DERL1: variants seen among roughly 807,000 people sequenced by gnomAD.
The protein encoded by DERL1 is derlin-1.
Under a neutral mutation model 41.6 loss-of-function variants are expected in DERL1, and 24 were observed. That is an observed-to-expected ratio of 0.58 (90% confidence interval 0.42 to 0.81). The LOEUF (loss-of-function observed/expected upper bound fraction) is 0.81, where lower values mean the gene tolerates loss of function less well. Ranked by LOEUF, DERL1 falls within the 30% of genes least tolerant of loss-of-function variation. The pLI is 0.00. For synonymous variants in DERL1, 124 were observed against 112.5 expected (o/e 1.10, Z -0.65); for missense variants, 260 against 314.3 (o/e 0.83, Z 1.31).
chr8:123,038,381 T>G (rs925610181), intron 1 of DERL1, among the ~76,000 whole-genome samples: 2 of 152,148 alleles, frequency 1.3e-5, no homozygotes, highest in East Asian at 3.8e-4. Context: ...GTTACATGTG[T>G]CCAAAATAGG....
At position 123,021,460 on chromosome 8, in the gene DERL1, T is replaced by C; in HGVS notation, c.493A>G (p.Ile165Val). The part of the protein sequence containing the change: ...LPWVILGFNY[I>V]IGGSVINELI... The stretch of plus-strand genomic sequence containing the variant: ...AATATCACTTACGAGCCTCCGATGA[T>C]ATAGTTGAATCCAAGGATAACCCAG... Residue 165 changes from isoleucine (I) to valine (V), a missense_variant, in exon 6 of 8, where the codon ATC becomes GTC. Coordinates refer to ENST00000259512, the MANE Select transcript of DERL1 (RefSeq NM_024295.6). 2 of 1,613,762 alleles carry C rather than the reference T, an allele frequency of 1.2e-6. No homozygotes were observed. The highest frequency in any genetic ancestry group is 1.7e-6 in the Non-Finnish European group (2 of 1,179,700).
chr8:123,021,726 CTTTGCCCA>C (rs1438935062), intron 5 of DERL1, among the ~76,000 whole-genome samples: 1 of 152,160 alleles, frequency 6.6e-6, no homozygotes, highest in Non-Finnish European at 1.5e-5. Flanking sequence ...GGACACAGTA[CTTTGCCCA>C]CAGGTCTGAT....
At chr8:123,022,473 G>A (rs1586460817) in intron 5 of DERL1, among the ~76,000 whole-genome samples, 1 of 147,580 alleles carries the variant, frequency 6.8e-6, no homozygotes, top group Admixed American at 6.7e-5. Flanking sequence ...GGGGCCCGAG[G>A]TACAGAGGGA....
At chr8:123,018,814 G>C in intron 7 of DERL1, 1 of 245,978 alleles carries the variant, frequency 4.1e-6, no homozygotes, top group Non-Finnish European at 7.9e-6. Context: ...CCCTTCCTTG[G>C]GCAAAATCAT....
rs1586476186 is a variant in DERL1 at position 123,041,992 on chromosome 8, T to G, written c.131A>C (p.Glu44Ala). Residue 44 changes from glutamate (E) to alanine (A), a missense_variant, in exon 1 of 8, where the codon GAA becomes GCA. Physicochemically the swap from Glu to Ala is moderately radical, Grantham distance 107. Coordinates refer to ENST00000259512, the MANE Select transcript of DERL1 (RefSeq NM_024295.6). ...ISPAYLFLWP[E>A]AFLYRFQIWR... ...TACCTGAAAGCGATAAAGGAAGGCT[T>G]CGGGCCAGAGGAAGAGGTAGGCCGG... is the stretch of plus-strand genomic sequence containing the variant. 1.2e-6 allele frequency: 2 copies of G among 1,612,950 alleles called. No homozygotes were observed. Among genetic ancestry groups the G allele is most frequent in the Non-Finnish European group, 8.5e-7 (1 of 1,179,292 alleles).
Position 123,019,212 on chromosome 8 carries a change from T to A in DERL1, c.600A>T (p.Leu200=). The A allele has an allele frequency of 1.9e-6, 3 of 1,612,158 alleles. No individual in the cohort carries two copies. Among genetic ancestry groups the A allele is most frequent in the Non-Finnish European group, 2.5e-6 (3 of 1,178,304 alleles). Residue 200 remains leucine, a synonymous_variant, in exon 7 of 8, where the codon CTA becomes CTT. Transcript: ENST00000259512. The part of the protein sequence containing the change: ...YPMDLGGRNF[L]STPQFLYRWL... Reference sequence around the variant, plus strand: ...ACACTTACAAAAACTGAGGTGTGGATAGAAAATTTCTTCCTCCCAAGTCCA... The same window carrying A: ...ACACTTACAAAAACTGAGGTGTGGAAAGAAAATTTCTTCCTCCCAAGTCCA...
intron 6 of DERL1, among the ~76,000 whole-genome samples, chr8:123,020,806 A>AAG (rs1330351054): frequency 6.7e-6 from 1 of 150,226 alleles, no homozygotes; most frequent in Non-Finnish European, 1.5e-5. Flanking sequence ...CAAAAAAAAA[A>AAG]AAAAAAAAAA....
At chr8:123,030,804 C>G (rs188185409) in intron 1 of DERL1, 88 bp from the exon 2 acceptor site, 24 of 891,700 alleles carry the variant, frequency 2.7e-5, no homozygotes, top group Middle Eastern at 2.1e-4. Flanking sequence ...AACAAAGCAT[C>G]CTCCTCAATG....
intron 1 of DERL1, among the ~76,000 whole-genome samples, chr8:123,035,657 C>T (rs1223854703): frequency 6.6e-6 from 1 of 152,192 alleles, no homozygotes; most frequent in African/African-American, 2.4e-5. Context: ...AGGAGGAAAG[C>T]TGGGCCCTAA....
chr8:123,035,247 T>C (rs1812901311), intron 1 of DERL1, among the ~76,000 whole-genome samples: 1 of 152,250 alleles, frequency 6.6e-6, no homozygotes, highest in Admixed American at 6.5e-5. Flanking sequence ...ACCCTTGAGT[T>C]ATACTTGCTT....
intron 2 of DERL1, 45 bp downstream of exon 2, chr8:123,030,560 T>A (rs768970008): frequency 7.3e-7 from 1 of 1,365,234 alleles, no homozygotes; most frequent in Non-Finnish European, 1.0e-6. Flanking sequence ...CATGGATTAG[T>A]AAATGAGAAA....
intron 7 of DERL1, chr8:123,016,572 C>T (rs1365443851): frequency 1.3e-5 from 2 of 152,200 alleles, no homozygotes; most frequent in Admixed American, 6.5e-5. Flanking sequence ...CTTATAAATT[C>T]ATCTGATCTT....
chr8:123,025,169 ACT>A, intron 2 of DERL1, 119 bp from the exon 3 acceptor site: 1 of 1,013,624 alleles, frequency 9.9e-7, no homozygotes, highest in Non-Finnish European at 1.4e-6. Context: ...TTTAAAAACC[ACT>A]CCTCTCTAAA....
intron 1 of DERL1, among the ~76,000 whole-genome samples, chr8:123,038,787 A>G (rs1004048653): frequency 6.6e-6 from 1 of 152,174 alleles, no homozygotes; most frequent in Admixed American, 6.5e-5. Context: ...AGTACACAAC[A>G]TTCTCTCAGC....
At chr8:123,033,977 A>G (rs1241822221) in intron 1 of DERL1, among the ~76,000 whole-genome samples, 2 of 152,228 alleles carry the variant, frequency 1.3e-5, no homozygotes, top group Non-Finnish European at 2.9e-5. Flanking sequence ...GCATGTACCA[A>G]GCACAAAAGA....
chr8:123,029,606 C>T (rs1023563359), intron 2 of DERL1, among the ~76,000 whole-genome samples: 4 of 152,132 alleles, frequency 2.6e-5, no homozygotes, highest in Non-Finnish European at 5.9e-5. Context: ...TTTTCAAAGT[C>T]ATTTAAATTT....
At chr8:123,031,982 A>T (rs1812825687) in intron 1 of DERL1, among the ~76,000 whole-genome samples, 1 of 152,190 alleles carries the variant, frequency 6.6e-6, no homozygotes, top group African/African-American at 2.4e-5. Context: ...AAAGTAGATG[A>T]ATCCTGTCTT....
chr8:123,024,521 G>C (rs1401310312), intron 3 of DERL1, among the ~76,000 whole-genome samples: 1 of 152,196 alleles, frequency 6.6e-6, no homozygotes, highest in Non-Finnish European at 1.5e-5. Flanking sequence ...GAAACGTACT[G>C]TGTCCCTTCC....
At chr8:123,020,964 C>T (rs528985538) in intron 6 of DERL1, among the ~76,000 whole-genome samples, 1 of 143,796 alleles carries the variant, frequency 7.0e-6, no homozygotes, top group South Asian at 2.2e-4. Context: ...GAAACTTCGT[C>T]TCAAAAAAAA....
Sources: gnomAD v4.1 joint callset for allele counts (sites outside exome capture counted in the v4.1 genomes callset) on GRCh38, gnomAD v4.1.1 for gene constraint, MANE v1.5 for transcripts, NCBI Gene and HGNC (gene_info 2026-07-23, HGNC 2026-07-21) for gene names.